Variants in RPS6KA2 observed in about 807,000 individuals in gnomAD.
RPS6KA2 encodes ribosomal protein S6 kinase A2.
Under a neutral mutation model 91.8 loss-of-function variants are expected in RPS6KA2, and 42 were observed. The observed-to-expected ratio is 0.46, with a 90% CI of 0.36 to 0.59. The LOEUF (loss-of-function observed/expected upper bound fraction) is 0.59, where lower values mean the gene tolerates loss of function less well. RPS6KA2 is among the 20% of genes least tolerant of loss of function. The probability of loss-of-function intolerance (pLI) is 0.00; values close to 1 mark genes in which losing one functional copy is unlikely to be tolerated. For missense variants in RPS6KA2, 798 were observed against 978.5 expected, an observed-to-expected ratio of 0.82 and a Z score of 2.46; for synonymous variants, 414 against 393.6, an observed-to-expected ratio of 1.05 and a Z score of -0.61.
chr6:166,678,627 C>T (rs1476233044), intron 2 of RPS6KA2, among the ~76,000 whole-genome samples: 3 of 152,208 alleles, frequency 2.0e-5, no homozygotes, highest in East Asian at 1.9e-4. Flanking sequence ...TCAATGTTTG[C>T]TGTTCTGCGT....
chr6:166,546,869 G>A (rs747787950), intron 1 of RPS6KA2, among the ~76,000 whole-genome samples: 6 of 152,212 alleles, frequency 3.9e-5, no homozygotes, highest in Non-Finnish European at 5.9e-5. Flanking sequence ...CAACTAGGAT[G>A]TAAAGAAAAC....
intron 2 of RPS6KA2, among the ~76,000 whole-genome samples, chr6:166,792,940 G>A (rs1779130750): frequency 1.3e-5 from 2 of 152,046 alleles, no homozygotes; most frequent in South Asian, 4.1e-4. Flanking sequence ...TTTGAAAACT[G>A]GCACAAGACA....
intron 1 of RPS6KA2, among the ~76,000 whole-genome samples, chr6:166,541,544 C>T (rs1445765209): frequency 6.6e-6 from 1 of 152,196 alleles, no homozygotes; most frequent in Non-Finnish European, 1.5e-5. Context: ...TGGATGCCAC[C>T]TGGCCATGGA....
At chr6:166,646,561 G>A (rs576082900) in intron 2 of RPS6KA2, among the ~76,000 whole-genome samples, 13 of 152,358 alleles carry the variant, frequency 8.5e-5, no homozygotes, top group South Asian at 4.1e-4. Context: ...TGGTCCAGCC[G>A]CATGCCTTGG....
intron 1 of RPS6KA2, among the ~76,000 whole-genome samples, chr6:166,622,568 T>A (rs1786683362): frequency 6.6e-6 from 1 of 152,216 alleles, no homozygotes; most frequent in Non-Finnish European, 1.5e-5. Flanking sequence ...TCACCTATCA[T>A]GCCCCAAGAA....
At chr6:166,624,769 T>C (rs1786782825) in intron 1 of RPS6KA2, among the ~76,000 whole-genome samples, 1 of 152,158 alleles carries the variant, frequency 6.6e-6, no homozygotes, top group Non-Finnish European at 1.5e-5. Context: ...GCTACCCCGA[T>C]TTTCACAAGT....
intron 2 of RPS6KA2, among the ~76,000 whole-genome samples, chr6:166,810,238 A>C (rs763233611): frequency 3.3e-5 from 5 of 152,146 alleles, no homozygotes; most frequent in Non-Finnish European, 5.9e-5. Flanking sequence ...TGTGGGGATT[A>C]TGGGGATTAC....
intron 3 of RPS6KA2, among the ~76,000 whole-genome samples, chr6:166,517,445 C>CTTTTGTTTTG (rs1461248156): frequency 4.9e-5 from 5 of 102,698 alleles, no homozygotes; most frequent in African/African-American, 1.7e-4. Context: ...TTAAGGCGTT[C>CTTTTGTTTTG]TTTTGTTTTG....
upstream of RPS6KA2, among the ~76,000 whole-genome samples, chr6:166,628,867 A>G (rs919240253): frequency 6.6e-6 from 1 of 152,272 alleles, no homozygotes; most frequent in Non-Finnish European, 1.5e-5. Context: ...TATGTATTAA[A>G]GGATCTATAA....
intron 1 of RPS6KA2, among the ~76,000 whole-genome samples, chr6:166,551,639 CTTTTT>C (rs1324061837): frequency 6.6e-6 from 1 of 152,100 alleles, no homozygotes; most frequent in Non-Finnish European, 1.5e-5. Flanking sequence ...TCTTTCTTTT[CTTTTT>C]AAACTAACCT....
At chr6:166,739,671 T>C (rs956124714) in intron 2 of RPS6KA2, among the ~76,000 whole-genome samples, 6 of 152,238 alleles carry the variant, frequency 3.9e-5, no homozygotes, top group African/African-American at 1.2e-4. Flanking sequence ...CCAATCACAC[T>C]CTGCAAATCC....
Position 166,500,770 on chromosome 6 carries a change from C to T in RPS6KA2, c.604+117G>A, listed in dbSNP as rs923225394. 4 of 927,018 alleles carry T rather than the reference C, an allele frequency of 4.3e-6. No individual in the cohort carries two copies. The highest frequency in any genetic ancestry group is 1.7e-5 in the African/African-American group (1 of 60,514). The allele number at this position is 927,018 out of a possible 1,614,324, so 57.4% of individuals were successfully genotyped here. On this transcript the variant is annotated intron_variant, in intron 7 of 20. Transcript: ENST00000265678. This position sits in a 1 kb window ranked among gnomAD's most constrained non-coding sequence, Gnocchi z 4.3. ...ATAGAAAATTCTGCCAAATCAGAGACAAGCATCTGGCAAAGGGAAGGGCGG... is the reference window on the plus strand; with the variant it reads ...ATAGAAAATTCTGCCAAATCAGAGATAAGCATCTGGCAAAGGGAAGGGCGG...
intron 2 of RPS6KA2, chr6:166,702,142 G>T: frequency 6.4e-7 from 1 of 1,573,516 alleles, no homozygotes; most frequent in South Asian, 1.1e-5. Flanking sequence ...GGTGGACATC[G>T]ATTTTAGACT....
At chr6:166,517,369 C>T (rs1299635416) in intron 3 of RPS6KA2, among the ~76,000 whole-genome samples, 1 of 151,758 alleles carries the variant, frequency 6.6e-6, no homozygotes, top group East Asian at 1.9e-4. Context: ...TAAACAAAAT[C>T]TCTGCAGCAC....
At chr6:166,652,290 T>A (rs1787877010) in intron 2 of RPS6KA2, among the ~76,000 whole-genome samples, 1 of 152,264 alleles carries the variant, frequency 6.6e-6, no homozygotes, top group Non-Finnish European at 1.5e-5. Context: ...TGGTTTTATT[T>A]CCCAGTTCAC....
chr6:166,645,566 C>T (rs566395843), intron 2 of RPS6KA2, among the ~76,000 whole-genome samples: 1 of 152,304 alleles, frequency 6.6e-6, no homozygotes, highest in East Asian at 1.9e-4. Context: ...GGGAGGTCTG[C>T]CCTGGTTCCT....
intron 2 of RPS6KA2, among the ~76,000 whole-genome samples, chr6:166,659,847 G>A (rs1181411679): frequency 1.3e-5 from 2 of 152,262 alleles, no homozygotes; most frequent in Non-Finnish European, 2.9e-5. Context: ...ACAGCATGCG[G>A]TGGTAGCTGC....
At chr6:166,795,344 TTTAAA>T (rs1207359491) in intron 2 of RPS6KA2, among the ~76,000 whole-genome samples, 5 of 152,194 alleles carry the variant, frequency 3.3e-5, no homozygotes, top group Admixed American at 1.3e-4. Flanking sequence ...AAACACAGTC[TTTAAA>T]TTAAAGGAAC....
chr6:166,789,321 G>A (rs534643812), intron 2 of RPS6KA2, among the ~76,000 whole-genome samples: 6 of 152,358 alleles, frequency 3.9e-5, no homozygotes, highest in East Asian at 3.9e-4. Flanking sequence ...AGGGGCGCCC[G>A]CCATTGCCCA....
Sources: allele counts gnomAD v4.1 joint callset (sites outside exome capture counted in the v4.1 genomes callset), GRCh38; gene constraint gnomAD v4.1.1; non-coding constraint Gnocchi (gnomAD v3.1); transcripts MANE v1.5; gene names NCBI Gene and HGNC (gene_info 2026-07-23, HGNC 2026-07-21).